Variants in FOLH1 observed in about 807,000 individuals in gnomAD.
FOLH1 encodes folate hydrolase 1, also known as glutamate carboxypeptidase 2.
FOLH1 carries 54 observed loss-of-function variants against 93.9 expected under a neutral mutation model. The observed-to-expected ratio is 0.57, with a 90% CI of 0.46 to 0.72. FOLH1 has a LOEUF of 0.72. Ranked by LOEUF, FOLH1 falls within the 30% of genes least tolerant of loss-of-function variation. FOLH1 has a pLI of 0.00. For missense variants in FOLH1, 571 were observed against 892.5 expected, an observed-to-expected ratio of 0.64 and a Z score of 4.59; for synonymous variants, 249 against 303.6, an observed-to-expected ratio of 0.82 and a Z score of 1.87.
chr11:49,193,206 G>A (rs2135260086), intron 3 of FOLH1, among the ~76,000 whole-genome samples: 1 of 152,210 alleles, frequency 6.6e-6, no homozygotes, highest in East Asian at 1.9e-4. Context: ...ACTATAGAAA[G>A]AAAAGCTCAG....
intron 12 of FOLH1, among the ~76,000 whole-genome samples, chr11:49,165,155 C>T (rs948417930): frequency 6.6e-6 from 1 of 152,186 alleles, no homozygotes; most frequent in African/African-American, 2.4e-5. Context: ...TAAAATAGCA[C>T]TCTCTTACCC....
At chr11:49,188,182 T>G (rs1294583356) in intron 4 of FOLH1, among the ~76,000 whole-genome samples, 1 of 152,184 alleles carries the variant, frequency 6.6e-6, no homozygotes, top group African/African-American at 2.4e-5. Context: ...AAAATTTATT[T>G]TTGTGACAGA....
At chr11:49,160,773 G>A (rs982513125) in intron 13 of FOLH1, among the ~76,000 whole-genome samples, 9 of 152,216 alleles carry the variant, frequency 5.9e-5, no homozygotes, top group Admixed American at 3.3e-4. Context: ...TGGGCATTTA[G>A]TGCTATAAAT....
chr11:49,150,188 G>A lies in FOLH1; in HGVS notation c.1971-1457C>T, dbSNP rs149647190. Among the ~76,000 whole-genome samples the A allele has an allele frequency of 1.2e-3, 178 of 152,250 alleles. 1 individual carries two copies. Among genetic ancestry groups the A allele is most frequent in the African/African-American group, 3.9e-3 (164 of 41,548 alleles). On this transcript the variant is annotated intron_variant, in intron 17 of 18. Transcript: ENST00000256999. ...TCACTGTATTAATTGAAAAAAATTC[G>A]TAAATAAGTGGACCTGTGCAGTTCA... is the stretch of plus-strand genomic sequence containing the variant.
chr11:49,194,132 C>CA (rs55656827), intron 3 of FOLH1, among the ~76,000 whole-genome samples: 13,739 of 71,672 alleles, frequency 0.19, 1,420 homozygotes, highest in African/African-American at 0.28. Flanking sequence ...GCCTGGGTGA[C>CA]AAAAAAAAAA....
intron 12 of FOLH1, among the ~76,000 whole-genome samples, chr11:49,166,496 C>T (rs1352855308): frequency 6.6e-6 from 1 of 152,184 alleles, no homozygotes. Context: ...CCTGAGATAG[C>T]ACCCACTACG....
At chr11:49,158,556 G>T (rs11600305) in intron 13 of FOLH1, among the ~76,000 whole-genome samples, 74,930 of 151,894 alleles carry the variant, frequency 0.49, 20,821 homozygotes, top group Admixed American at 0.61. Context: ...TAGCCTCATA[G>T]TATAGTTTGA....
intron 7 of FOLH1, among the ~76,000 whole-genome samples, chr11:49,180,167 G>C (rs61886508): frequency 1.2e-4 from 19 of 152,220 alleles, no homozygotes; most frequent in Non-Finnish European, 2.2e-4. Flanking sequence ...GTTACAATGA[G>C]TATCACAATA....
chr11:49,208,263 G>A, intron 1 of FOLH1, 29 bp downstream of exon 1: 6 of 1,457,764 alleles, frequency 4.1e-6, no homozygotes, highest in Non-Finnish European at 5.6e-6. Context: ...GGAAGACTCC[G>A]AGGTTTGCTC....
At chr11:49,183,649 C>T (rs548367170) in intron 6 of FOLH1, among the ~76,000 whole-genome samples, 15 of 152,046 alleles carry the variant, frequency 9.9e-5, no homozygotes, top group South Asian at 2.1e-4. Context: ...ATAAACAATC[C>T]GTAGTATAAT....
chr11:49,191,650 G>A (rs191231085), intron 4 of FOLH1, among the ~76,000 whole-genome samples: 379 of 152,294 alleles, frequency 2.5e-3, no homozygotes, highest in African/African-American at 8.7e-3. Flanking sequence ...CTTATAATAT[G>A]ATGTCTTCTC....
intron 13 of FOLH1, among the ~76,000 whole-genome samples, chr11:49,158,742 A>G (rs953993473): frequency 6.6e-6 from 1 of 152,182 alleles, no homozygotes; most frequent in African/African-American, 2.4e-5. Context: ...TTTTAATGAT[A>G]TTGATTCTTC....
intron 17 of FOLH1, among the ~76,000 whole-genome samples, chr11:49,150,432 T>C (rs1362485720): frequency 6.6e-6 from 1 of 152,128 alleles, no homozygotes; most frequent in Non-Finnish European, 1.5e-5. Flanking sequence ...GATATACAAA[T>C]ATAGGCAAGA....
chr11:49,162,776 C>CT (rs1434797108), intron 13 of FOLH1: 2 of 150,496 alleles, frequency 1.3e-5, no homozygotes, highest in Admixed American at 6.6e-5. Context: ...GGAGCTTGTC[C>CT]TTTTTTTTCT....
At chr11:49,182,187 G>A (rs538793546) in intron 7 of FOLH1, among the ~76,000 whole-genome samples, 1 of 151,962 alleles carries the variant, frequency 6.6e-6, no homozygotes, top group South Asian at 2.1e-4. Context: ...AAATCAGCCG[G>A]GCATAGTGGT....
At chr11:49,191,154 G>A (rs973853054) in intron 4 of FOLH1, among the ~76,000 whole-genome samples, 5 of 152,126 alleles carry the variant, frequency 3.3e-5, no homozygotes, top group South Asian at 2.1e-4. Flanking sequence ...TGGGACTACA[G>A]GCGCCCGCCA....
rs11345881 is a variant in FOLH1 at position 49,168,044 on chromosome 11, C to CTTT, written c.1372+1148_1372+1150dup. Reference sequence around the variant, plus strand: ...AAATTCCCCCTTCATTCATTTAGTCCTTTTTTTTTTTTTTTGCAACCATAC... The same window carrying CTTT: ...AAATTCCCCCTTCATTCATTTAGTCCTTTTTTTTTTTTTTTTTTGCAACCATAC... On this transcript the variant is annotated intron_variant, in intron 12 of 18. Coordinates refer to ENST00000256999, the MANE Select transcript of FOLH1 (RefSeq NM_004476.3). Among the ~76,000 whole-genome samples the CTTT allele has an allele frequency of 6.4e-4, 89 of 138,352 alleles. 1 individual carries two copies. The highest frequency in any genetic ancestry group is 1.2e-3 in the Non-Finnish European group (77 of 64,290). 90.8% of individuals were successfully genotyped at this position (138,352 alleles called of 152,430 possible).
intron 13 of FOLH1, among the ~76,000 whole-genome samples, chr11:49,159,815 T>C (rs1477955952): frequency 6.6e-6 from 1 of 152,212 alleles, no homozygotes; most frequent in Non-Finnish European, 1.5e-5. Context: ...GAACTCATGA[T>C]TGGCCTGTTC....
At chr11:49,190,149 C>T (rs1037906584) in intron 4 of FOLH1, among the ~76,000 whole-genome samples, 8 of 152,142 alleles carry the variant, frequency 5.3e-5, no homozygotes, top group African/African-American at 1.9e-4. Flanking sequence ...TTTCTTTACC[C>T]TTAATATAAG....
Sources: allele counts gnomAD v4.1 joint callset (sites outside exome capture counted in the v4.1 genomes callset), GRCh38; gene constraint gnomAD v4.1.1; transcripts MANE v1.5; gene names NCBI Gene and HGNC (gene_info 2026-07-23, HGNC 2026-07-21).